The following USP4 variants were observed in gnomAD, a reference collection of about 807,000 sequenced individuals.
USP4 encodes ubiquitin specific peptidase 4.
USP4 carries 72 observed loss-of-function variants against 118.2 expected under a neutral mutation model. The ratio of observed to expected loss-of-function variants is 0.61; its 90% CI spans 0.50 to 0.74. The LOEUF is 0.74. Among genes scored for constraint, USP4 ranks in the 30% least tolerant of loss-of-function variants. The pLI is 0.00. For missense variants in USP4, 1,037 were observed against 1,185.7 expected, an observed-to-expected ratio of 0.87 and a Z score of 1.84; for synonymous variants, 415 against 440.4, an observed-to-expected ratio of 0.94 and a Z score of 0.72.
intron 13 of USP4, 152 bp downstream of exon 13, chr3:49,297,718 T>C (rs1262999000): frequency 4.8e-5 from 29 of 606,060 alleles, no homozygotes; most frequent in Middle Eastern, 2.7e-4. Flanking sequence ...CTGCCCACGA[T>C]GCCCTCAATA....
chr3:49,290,710 T>C (rs1312474844), intron 15 of USP4, among the ~76,000 whole-genome samples: 1 of 152,202 alleles, frequency 6.6e-6, no homozygotes, highest in Non-Finnish European at 1.5e-5. Context: ...AGACAGGGTT[T>C]CACCGTGTTG....
In USP4 at chr3:49,311,648, G is replaced by A. The variant is rs748330345; in HGVS notation, c.702C>T (p.Ser234=). 14 of 1,613,610 alleles carry A rather than the reference G, an allele frequency of 8.7e-6. No individual in the cohort carries two copies. Among genetic ancestry groups the A allele is most frequent in the Non-Finnish European group, 1.2e-5 (14 of 1,179,692 alleles). Residue 234 remains serine (S), a synonymous_variant, in exon 7 of 22, where the codon AGC becomes AGT. Coordinates refer to ENST00000265560, the MANE Select transcript of USP4 (RefSeq NM_003363.4). ...TAGTAAAATTTCTGCTAGGCGCAGT[G>A]CTTGATCTGGGAGAGAGAAGCAGAA... ...WPRQTLQSKS[S]TAPSRNFTTS... is the part of the protein sequence containing the mutation.
At chr3:49,283,800 G>C (rs951168047) in intron 19 of USP4, among the ~76,000 whole-genome samples, 187 bp downstream of exon 19, 1 of 152,194 alleles carries the variant, frequency 6.6e-6, no homozygotes. Flanking sequence ...CCACTGGAGA[G>C]TCTCTTCCCC....
At chr3:49,291,570 T>A in intron 15 of USP4, among the ~76,000 whole-genome samples, 1 of 127,764 alleles carries the variant, frequency 7.8e-6, no homozygotes. Flanking sequence ...CAAGATTCCG[T>A]CTCAAAAAAA....
At chr3:49,314,344 C>T (rs993561787) in intron 6 of USP4, among the ~76,000 whole-genome samples, 1 of 152,106 alleles carries the variant, frequency 6.6e-6, no homozygotes, top group Non-Finnish European at 1.5e-5. Flanking sequence ...GGAAATGTAC[C>T]CTTCTCTAAT....
At chr3:49,328,956 G>A (rs972744205) in intron 2 of USP4, among the ~76,000 whole-genome samples, 1 of 151,908 alleles carries the variant, frequency 6.6e-6, no homozygotes, top group Non-Finnish European at 1.5e-5. Context: ...GAGGTGGGCA[G>A]ATCATGAGGT....
rs1233288648 is a variant in USP4 at position 49,277,231 on chromosome 3, G to A, written c.*1062C>T. ...CCCATCCAACGGTCATCGCATGCGC[G>A]TGCCCCGCGCAGGCCCCAAACCCCC... On this transcript the variant is annotated 3_prime_UTR_variant, in exon 22 of 22. Coordinates refer to ENST00000265560, the MANE Select transcript of USP4 (RefSeq NM_003363.4). The A allele has an allele frequency of 3.0e-6, 4 of 1,316,426 alleles. No homozygotes were observed. Among genetic ancestry groups the A allele is most frequent in the Admixed American group, 2.3e-5 (1 of 44,272 alleles). The allele number at this position is 1,316,426 out of a possible 1,614,324, so 81.5% of individuals were successfully genotyped here. A position where few individuals can be genotyped will look rare whatever the true frequency, so the allele number is the denominator to read the frequency against.
At chr3:49,305,948 T>C in intron 8 of USP4, 60 bp from the exon 9 acceptor site, 1 of 1,482,696 alleles carries the variant, frequency 6.7e-7, no homozygotes, top group Non-Finnish European at 9.0e-7. Context: ...AGATACAAGA[T>C]AAATCAAGTT....
chr3:49,288,300 G>A (rs189719214), intron 15 of USP4, among the ~76,000 whole-genome samples: 3 of 152,322 alleles, frequency 2.0e-5, no homozygotes. Context: ...TAAGAACTCT[G>A]TCCTGGCCCA....
At chr3:49,327,561 C>G (rs1205370804) in intron 3 of USP4, 125 bp downstream of exon 3, 4 of 996,964 alleles carry the variant, frequency 4.0e-6, no homozygotes, top group Non-Finnish European at 5.8e-6. Context: ...GATCCAGAAA[C>G]AAGGCCTCAA....
At chr3:49,319,249 G>A (rs916446222) in intron 6 of USP4, among the ~76,000 whole-genome samples, 9 of 152,056 alleles carry the variant, frequency 5.9e-5, no homozygotes, top group Middle Eastern at 3.4e-3. Context: ...CTTGATGTAC[G>A]TTTTCTTGTT....
intron 15 of USP4, among the ~76,000 whole-genome samples, chr3:49,290,497 A>T (rs1367960678): frequency 6.6e-6 from 1 of 152,156 alleles, no homozygotes; most frequent in African/African-American, 2.4e-5. Flanking sequence ...TTTGCAACTG[A>T]TAATTTTTTG....
At chr3:49,335,316 G>A (rs897261764) in intron 2 of USP4, among the ~76,000 whole-genome samples, 153 bp downstream of exon 2, 4 of 152,182 alleles carry the variant, frequency 2.6e-5, no homozygotes, top group Admixed American at 1.3e-4. Flanking sequence ...CTCATTAAGG[G>A]TTTGCAAAGA....
At position 49,280,968 on chromosome 3, in the gene USP4, G is replaced by A. The variant is rs373109344; in HGVS notation, c.2541-121C>T. On this transcript the variant is annotated intron_variant, in intron 19 of 21. Transcript: ENST00000265560. The stretch of plus-strand genomic sequence containing the variant: ...ACACAGGGAGGCACTCAAACTATTC[G>A]AGAGAGACCAAGATGGAAGGGACTC... The A allele has an allele frequency of 2.0e-5, 14 of 701,676 alleles. No individual in the cohort carries two copies. In the East Asian group the frequency reaches 2.3e-4, roughly 11 times the overall value. The allele number at this position is 701,676 out of a possible 1,614,324, so 43.5% of individuals were successfully genotyped here.
At chr3:49,284,276 G>A (rs977197041) in intron 18 of USP4, 140 bp from the exon 19 acceptor site, 21 of 1,266,274 alleles carry the variant, frequency 1.7e-5, no homozygotes, top group Non-Finnish European at 1.4e-5. Context: ...TCTGGCCAGG[G>A]ACCTGTCTTC....
At chr3:49,318,206 C>A (rs2047461099) in intron 6 of USP4, 2 of 505,578 alleles carry the variant, frequency 4.0e-6, no homozygotes, top group African/African-American at 2.1e-5. Flanking sequence ...TGGGCTCAAG[C>A]AATCTTCCCA....
Position 49,277,359 on chromosome 3 carries a change from C to T in USP4, c.*934G>A, listed in dbSNP as rs868093670. 11 of 718,668 alleles carry T rather than the reference C, an allele frequency of 1.5e-5. No homozygotes were observed. In the Middle Eastern group the frequency reaches 3.0e-3, roughly 199 times the overall value. The allele number at this position is 718,668 out of a possible 1,614,324, so 44.5% of individuals were successfully genotyped here. The stretch of plus-strand genomic sequence containing the variant: ...GCTGGCCCCGCGGTGGGAGTGGGGA[C>T]GGGGCTTTCGAATGGGGGCCCCGGG... On this transcript the variant is annotated 3_prime_UTR_variant, in exon 22 of 22. Coordinates refer to ENST00000265560, the MANE Select transcript of USP4 (RefSeq NM_003363.4).
rs1305694209 is a variant in USP4, at chr3:49,335,604, G to A, written c.102-8C>T. On this transcript the variant is annotated splice_polypyrimidine_tract_variant and splice_region_variant and intron_variant, in intron 1 of 21. Coordinates refer to ENST00000265560, the MANE Select transcript of USP4 (RefSeq NM_003363.4). ...CGGCTGTCAATAAGATACCTAGAGA[G>A]AGACAGAAATTTACTGTAGCAGAAA... The A allele has an allele frequency of 4.3e-6, 7 of 1,613,440 alleles. No homozygotes were observed. The African/African-American group carries it at 8.0e-5, about 18-fold the overall frequency.
chr3:49,277,567 TACTG>T lies in USP4; in HGVS notation c.*722_*725del, dbSNP rs1421069057. The T allele has an allele frequency of 5.6e-6, 1 of 179,522 alleles. No individual in the cohort carries two copies. The highest frequency in any genetic ancestry group is 2.4e-5 in the African/African-American group (1 of 41,782). The allele number at this position is 179,522 out of a possible 1,614,324, so 11.1% of individuals were successfully genotyped here. On this transcript the variant is annotated 3_prime_UTR_variant, in exon 22 of 22. Transcript: ENST00000265560. ...GGACACAGCACCGGGCAGTTTTATG[TACTG>T]ACTTCCTTTAAGCGTTATCTAATAA...
Sources: gnomAD v4.1 joint callset for allele counts (sites outside exome capture counted in the v4.1 genomes callset) on GRCh38, gnomAD v4.1.1 for gene constraint, MANE v1.5 for transcripts, NCBI Gene and HGNC (gene_info 2026-07-23, HGNC 2026-07-21) for gene names.